RSPH14: variants seen among roughly 807,000 people sequenced by gnomAD.
The protein encoded by RSPH14 is radial spoke head 14 homolog.
In RSPH14, 20 loss-of-function variants were observed where a neutral mutation model predicts 26.7. That is an observed-to-expected ratio of 0.75 (90% CI 0.53 to 1.09). The LOEUF (loss-of-function observed/expected upper bound fraction) is 1.09, where lower values mean the gene tolerates loss of function less well. Ranked by LOEUF, RSPH14 falls within the 50% of genes least tolerant of loss-of-function variation. RSPH14 has a pLI of 0.00. For synonymous variants in RSPH14, 177 were observed against 189.3 expected, an observed-to-expected ratio of 0.93 and a Z score of 0.53; for missense variants, 449 against 457.2, an observed-to-expected ratio of 0.98 and a Z score of 0.16.
chr22:23,162,935 G>C, the RSPH14 span: 1 of 342,104 alleles, frequency 2.9e-6, no homozygotes, highest in South Asian at 2.3e-5. Flanking sequence ...TTTTGAGATG[G>C]AGTTTCACCC....
the RSPH14 span, chr22:23,155,873 G>C: frequency 4.2e-6 from 5 of 1,177,150 alleles, no homozygotes; most frequent in East Asian, 1.4e-4. Context: ...CAGGCCCTTA[G>C]GGTCTCCCAC....
the RSPH14 span, chr22:23,163,606 G>GCCCCCCCCCCCCCCC: frequency 2.2e-4 from 28 of 125,214 alleles, 2 homozygotes; most frequent in Non-Finnish European, 2.9e-4. Flanking sequence ...CAAGGTGAAA[G>GCCCCCCCCCCCCCCC]CCCCCCCCCC....
the RSPH14 span, among the ~76,000 whole-genome samples, chr22:23,157,071 C>A: frequency 6.6e-6 from 1 of 152,188 alleles, no homozygotes; most frequent in Non-Finnish European, 1.5e-5. Flanking sequence ...CATAGGGCTC[C>A]CCTCAGGACC....
chr22:23,126,110 T>C (rs2070176750), intron 4 of RSPH14, among the ~76,000 whole-genome samples: 2 of 152,190 alleles, frequency 1.3e-5, no homozygotes, highest in Admixed American at 6.5e-5. Context: ...TGAGACTTAT[T>C]TTGTGCTTTT....
chr22:23,092,342 C>T (rs888786315), intron 4 of RSPH14, among the ~76,000 whole-genome samples: 2 of 152,160 alleles, frequency 1.3e-5, no homozygotes, highest in Admixed American at 6.5e-5. Context: ...TCCTTACATC[C>T]GTGCACAGCC....
chr22:23,159,405 G>A, the RSPH14 span: 2 of 762,158 alleles, frequency 2.6e-6, no homozygotes, highest in East Asian at 2.7e-5. Flanking sequence ...TGCTGTGCTG[G>A]TGCCTGGCAG....
At chr22:23,102,566 C>T (rs941886899) in intron 4 of RSPH14, among the ~76,000 whole-genome samples, 2 of 152,220 alleles carry the variant, frequency 1.3e-5, no homozygotes, top group Non-Finnish European at 2.9e-5. Flanking sequence ...AGGCAAGAGG[C>T]GGCAGGGCCC....
the RSPH14 span, among the ~76,000 whole-genome samples, chr22:23,160,080 C>T: frequency 6.6e-6 from 1 of 152,106 alleles, no homozygotes; most frequent in African/African-American, 2.4e-5. Context: ...GCTCTGGGGA[C>T]TCAGGAATTG....
intron 4 of RSPH14, chr22:23,095,492 A>G (rs1002269320): frequency 1.3e-5 from 8 of 594,862 alleles, no homozygotes; most frequent in Non-Finnish European, 2.3e-5. Flanking sequence ...AGGGGCGGCC[A>G]CCGCCCGCTG....
At chr22:23,148,402 T>C (rs778489909), upstream of RSPH14, among the ~76,000 whole-genome samples, 2 of 152,166 alleles carry the variant, frequency 1.3e-5, no homozygotes, top group African/African-American at 2.4e-5. Flanking sequence ...AAGAACCTCA[T>C]TGGCAGAGCA....
rs1273470009 is a variant in RSPH14, at chr22:23,059,548, C to T, written c.961G>A (p.Val321Met). The change falls in exon 7 of 7, where the codon GTG (valine) becomes ATG (methionine). Residue 321 changes from valine (V) to methionine (M), a missense_variant. By Grantham distance (21) the Val-to-Met change is conservative. Transcript: ENST00000216036. ...ACTTGAGGCTTTTCGTAAGTCTCCA[C>T]CTCCATGGCACGGAAAGTGGGCACG... ...THVPTFRAME[V>M]ETYEKPQVAE... 5.0e-6 allele frequency: 8 copies of T among 1,614,230 alleles called. No homozygotes were observed. Among genetic ancestry groups the T allele is most frequent in the Non-Finnish European group, 5.9e-6 (7 of 1,180,018 alleles).
chr22:23,060,969 C>T (rs373280261), intron 6 of RSPH14, among the ~76,000 whole-genome samples: 9 of 152,250 alleles, frequency 5.9e-5, no homozygotes, highest in Non-Finnish European at 4.4e-5. Context: ...AAGATAAACA[C>T]GCAGGGGGAG....
the RSPH14 span, among the ~76,000 whole-genome samples, chr22:23,169,442 C>T: frequency 2.0e-5 from 3 of 152,188 alleles, no homozygotes; most frequent in Admixed American, 1.3e-4. Context: ...GGAGACAGCG[C>T]GGAAAAGGAG....
At chr22:23,094,294 T>C (rs1291754234) in intron 4 of RSPH14, among the ~76,000 whole-genome samples, 4 of 152,108 alleles carry the variant, frequency 2.6e-5, no homozygotes, top group Non-Finnish European at 5.9e-5. Flanking sequence ...AAGCCTGAGC[T>C]TTGAGCTGCC....
intron 4 of RSPH14, among the ~76,000 whole-genome samples, chr22:23,121,109 G>A (rs2070013352): frequency 6.6e-6 from 1 of 152,174 alleles, no homozygotes; most frequent in Non-Finnish European, 1.5e-5. Context: ...TCACTGCGGA[G>A]GCGCTGGCTC....
rs987275463 is a variant in RSPH14 at position 23,140,310 on chromosome 22, T to C, written c.111A>G (p.Ser37=). 6 of 1,614,216 alleles carry C rather than the reference T, an allele frequency of 3.7e-6. No homozygotes were observed. The highest frequency in any genetic ancestry group is 3.4e-6 in the Non-Finnish European group (4 of 1,180,036). ...CTTTCTGCCTCGTCTGGAGGTCCTCTGACTGCAGCTCCTCCTTCAGCTTGG... is the reference window on the plus strand; with the variant it reads ...CTTTCTGCCTCGTCTGGAGGTCCTCCGACTGCAGCTCCTCCTTCAGCTTGG... ...ALPKLKEELQ[S]EDLQTRQKAL... Residue 37 remains serine (S), a synonymous_variant, in exon 2 of 7, where the codon TCA becomes TCG. Transcript: ENST00000216036.
intron 4 of RSPH14, among the ~76,000 whole-genome samples, chr22:23,085,919 G>A (rs577821109): frequency 6.6e-6 from 1 of 152,326 alleles, no homozygotes; most frequent in Admixed American, 6.5e-5. Flanking sequence ...GAAAATCCCA[G>A]TTTGGTGCCA....
At chr22:23,075,689 C>T (rs1003952511) in intron 4 of RSPH14, among the ~76,000 whole-genome samples, 5 of 152,188 alleles carry the variant, frequency 3.3e-5, no homozygotes, top group Non-Finnish European at 7.3e-5. Context: ...CGGGGGTGTT[C>T]CTTCTAGCAG....
chr22:23,105,279 A>G (rs189366430), intron 4 of RSPH14, among the ~76,000 whole-genome samples: 2 of 152,354 alleles, frequency 1.3e-5, no homozygotes, highest in African/African-American at 2.4e-5. Context: ...AGGAGTGACT[A>G]TGGGCAAGGT....
Sources: gnomAD v4.1 joint callset for allele counts (sites outside exome capture counted in the v4.1 genomes callset) on GRCh38, gnomAD v4.1.1 for gene constraint, MANE v1.5 for transcripts, NCBI Gene and HGNC (gene_info 2026-07-23, HGNC 2026-07-21) for gene names.